The following TMEM232 variants were observed in gnomAD, a reference collection of about 807,000 sequenced individuals.
TMEM232 encodes transmembrane protein 232.
In TMEM232, 80 loss-of-function variants were observed where a neutral mutation model predicts 78.8. That is an observed-to-expected ratio of 1.01 (90% confidence interval 0.85 to 1.22). TMEM232 has a LOEUF of 1.22. Ranked by LOEUF, TMEM232 falls within the 50% of genes most tolerant of loss-of-function variation. The pLI is 0.00. For synonymous variants in TMEM232, 297 were observed against 254.3 expected (o/e 1.17, Z -1.60); for missense variants, 881 against 742.2 (o/e 1.19, Z -2.17).
At chr5:110,528,560 C>A in intron 12 of TMEM232, 28 bp downstream of exon 12, 1 of 1,499,334 alleles carries the variant, frequency 6.7e-7, no homozygotes, top group Non-Finnish European at 8.8e-7. Context: ...TGTATTAGAA[C>A]AATAAAACCG....
chr5:110,415,409 C>T (rs548994451), downstream of TMEM232, among the ~76,000 whole-genome samples: 3 of 151,868 alleles, frequency 2.0e-5, no homozygotes, highest in South Asian at 2.1e-4. Context: ...AAGATGGTCT[C>T]GATCTCCTGA....
rs1203833657 is a variant in TMEM232, at chr5:110,436,650, G to C, written c.1704-11734C>G. ...ATTTTTGCATAAGGCAAGAGATAGGGATCAAGTTTCATTCTTCTGTATATG... is the reference window on the plus strand; with the variant it reads ...ATTTTTGCATAAGGCAAGAGATAGGCATCAAGTTTCATTCTTCTGTATATG... On this transcript the variant is annotated intron_variant, in intron 12 of 13. Transcript: ENST00000455884. 2.0e-5 allele frequency among the ~76,000 whole-genome samples: 3 copies of C among 151,988 alleles called. No homozygotes were observed. The East Asian group carries it at 5.8e-4, about 29-fold the overall frequency.
At chr5:110,559,223 A>T (rs935077085) in intron 11 of TMEM232, among the ~76,000 whole-genome samples, 1 of 152,146 alleles carries the variant, frequency 6.6e-6, no homozygotes, top group Non-Finnish European at 1.5e-5. Flanking sequence ...CCTAATCCTA[A>T]TCTTAACCAT....
At chr5:110,597,944 T>C (rs908899418) in intron 10 of TMEM232, among the ~76,000 whole-genome samples, 3 of 152,130 alleles carry the variant, frequency 2.0e-5, no homozygotes, top group African/African-American at 7.2e-5. Context: ...ATTCAGGACA[T>C]AGGCATGGGC....
chr5:110,461,745 A>G (rs1418216714), intron 12 of TMEM232, among the ~76,000 whole-genome samples: 2 of 152,186 alleles, frequency 1.3e-5, no homozygotes, highest in African/African-American at 4.8e-5. Context: ...GACCATTCCA[A>G]AAGTTCTAGG....
In TMEM232 at chr5:110,419,849, C is replaced by T. The variant is rs1175905145; in HGVS notation, c.*731G>A. Reference sequence around the variant, plus strand: ...ACTCTTACTCATAGGTTCAGAACTTCAGATGAAGTGAAGTTCCATTTCTAA... The same window carrying T: ...ACTCTTACTCATAGGTTCAGAACTTTAGATGAAGTGAAGTTCCATTTCTAA... On this transcript the variant is annotated 3_prime_UTR_variant, in exon 14 of 14. Transcript: ENST00000455884. Among the ~76,000 whole-genome samples the T allele has an allele frequency of 6.6e-6, 1 of 152,124 alleles. No homozygotes were observed. Among genetic ancestry groups the T allele is most frequent in the Non-Finnish European group, 1.5e-5 (1 of 67,980 alleles).
chr5:110,477,501 G>C (rs1160903375), intron 12 of TMEM232, among the ~76,000 whole-genome samples: 2 of 151,666 alleles, frequency 1.3e-5, no homozygotes, highest in Non-Finnish European at 2.9e-5. Flanking sequence ...TGTTTTATCT[G>C]TCAGCAAGTT....
intron 10 of TMEM232, among the ~76,000 whole-genome samples, chr5:110,603,865 G>A (rs1315802184): frequency 6.6e-6 from 1 of 152,076 alleles, no homozygotes; most frequent in African/African-American, 2.4e-5. Flanking sequence ...TAGTGAGCAA[G>A]TTTTTGAGAA....
intron 11 of TMEM232, among the ~76,000 whole-genome samples, chr5:110,543,525 T>A (rs1425221200): frequency 6.6e-6 from 1 of 152,206 alleles, no homozygotes; most frequent in Non-Finnish European, 1.5e-5. Flanking sequence ...CAATGTAAAC[T>A]TGAAAAATTT....
At chr5:110,545,818 G>A (rs896271842) in intron 11 of TMEM232, among the ~76,000 whole-genome samples, 1 of 151,906 alleles carries the variant, frequency 6.6e-6, no homozygotes, top group Non-Finnish European at 1.5e-5. Context: ...TGATATTTTA[G>A]GTCATATACC....
At chr5:110,451,426 T>A (rs181060224) in intron 12 of TMEM232, among the ~76,000 whole-genome samples, 94 of 152,268 alleles carry the variant, frequency 6.2e-4, no homozygotes, top group Non-Finnish European at 1.2e-3. Flanking sequence ...TTTGATGGCA[T>A]CTCTTTGCTT....
At chr5:110,716,181 T>A (rs1796993785) in intron 1 of TMEM232, among the ~76,000 whole-genome samples, 1 of 152,112 alleles carries the variant, frequency 6.6e-6, no homozygotes, top group Admixed American at 6.6e-5. Context: ...CCATGGGTAC[T>A]CGTATTTGGC....
At chr5:110,453,131 T>C (rs1760502660) in intron 12 of TMEM232, among the ~76,000 whole-genome samples, 1 of 152,164 alleles carries the variant, frequency 6.6e-6, no homozygotes, top group African/African-American at 2.4e-5. Flanking sequence ...AGAAAGAGAA[T>C]GTTTATCTTA....
intron 1 of TMEM232, among the ~76,000 whole-genome samples, chr5:110,708,922 A>G (rs1329499287): frequency 6.6e-6 from 1 of 151,118 alleles, no homozygotes; most frequent in Non-Finnish European, 1.5e-5. Context: ...ACTCTTCAAT[A>G]AAAAAAAATA....
At chr5:110,570,023 G>A (rs1459752510) in intron 10 of TMEM232, among the ~76,000 whole-genome samples, 1 of 151,826 alleles carries the variant, frequency 6.6e-6, no homozygotes, top group Non-Finnish European at 1.5e-5. Context: ...AGGAAGAGGA[G>A]GCAGAAGAGA....
intron 12 of TMEM232, among the ~76,000 whole-genome samples, chr5:110,497,329 C>A (rs1329707390): frequency 6.6e-6 from 1 of 152,004 alleles, no homozygotes; most frequent in Non-Finnish European, 1.5e-5. Flanking sequence ...CAAAGATGAA[C>A]AATGAGGACT....
intron 1 of TMEM232, among the ~76,000 whole-genome samples, chr5:110,716,745 T>C (rs1012190083): frequency 6.6e-5 from 10 of 152,256 alleles, no homozygotes; most frequent in East Asian, 1.9e-4. Flanking sequence ...GTTTTACAGA[T>C]TGTCACTCTT....
At chr5:110,465,556 A>C (rs760100608) in intron 12 of TMEM232, among the ~76,000 whole-genome samples, 2 of 152,184 alleles carry the variant, frequency 1.3e-5, no homozygotes, top group Non-Finnish European at 2.9e-5. Context: ...TTCATTGCCT[A>C]TTTAGACTCA....
chr5:110,428,894 AC>A (rs1757531553), intron 12 of TMEM232, among the ~76,000 whole-genome samples: 1 of 151,804 alleles, frequency 6.6e-6, no homozygotes, highest in Non-Finnish European at 1.5e-5. Context: ...GGGAAAACAA[AC>A]CTGGTACAGA....
Sources: gnomAD v4.1 joint callset for allele counts (sites outside exome capture counted in the v4.1 genomes callset) on GRCh38, gnomAD v4.1.1 for gene constraint, MANE v1.5 for transcripts, NCBI Gene and HGNC (gene_info 2026-07-23, HGNC 2026-07-21) for gene names.